ZNRF3: variants seen among roughly 807,000 people sequenced by gnomAD.
ZNRF3 encodes E3 ubiquitin-protein ligase ZNRF3.
In ZNRF3, 23 loss-of-function variants were observed where a neutral mutation model predicts 72.5. That is an observed-to-expected ratio of 0.32 (90% CI 0.23 to 0.45). The LOEUF is 0.45. Among genes scored for constraint, ZNRF3 ranks in the 20% least tolerant of loss-of-function variants. ZNRF3 has a pLI of 1.00. For synonymous variants in ZNRF3, 610 were observed against 545.3 expected (o/e 1.12, Z -1.65); for missense variants, 1,169 against 1,272.1 (o/e 0.92, Z 1.23).
At chr22:29,000,077 G>A (rs2036117155) in intron 2 of ZNRF3, among the ~76,000 whole-genome samples, 1 of 152,224 alleles carries the variant, frequency 6.6e-6, no homozygotes, top group South Asian at 2.1e-4. Flanking sequence ...TCTGAGTAAT[G>A]CTTTTTGTGC....
In ZNRF3 at chr22:28,884,083, C is replaced by A. The variant is rs1025967828; in HGVS notation, c.300+17C>A. ...ATCGTGCAGGTAGCTGCCCGCCGCC[C>A]GGGCCCCGCGCCGCCTCCGCCACAA... On this transcript the variant is annotated intron_variant, in intron 1 of 8. Coordinates refer to ENST00000544604, the MANE Select transcript of ZNRF3 (RefSeq NM_001206998.2). The A allele has an allele frequency of 1.8e-6, 2 of 1,139,610 alleles. No homozygotes were observed. The highest frequency in any genetic ancestry group is 2.2e-6 in the Non-Finnish European group (2 of 916,038). 70.6% of individuals were successfully genotyped at this position (1,139,610 alleles called of 1,614,324 possible).
chr22:28,981,836 A>C (rs1490265095), intron 1 of ZNRF3, among the ~76,000 whole-genome samples: 1 of 152,118 alleles, frequency 6.6e-6, no homozygotes, highest in Non-Finnish European at 1.5e-5. Flanking sequence ...GACTCTACTA[A>C]AAATACAAAA....
chr22:29,022,411 G>C (rs758526035), intron 2 of ZNRF3, among the ~76,000 whole-genome samples: 1 of 152,172 alleles, frequency 6.6e-6, no homozygotes, highest in Non-Finnish European at 1.5e-5. Context: ...TAAAACTGAA[G>C]TAGGACTGGA....
At chr22:29,022,813 C>G (rs188887102) in intron 2 of ZNRF3, among the ~76,000 whole-genome samples, 8 of 152,234 alleles carry the variant, frequency 5.3e-5, no homozygotes, top group Admixed American at 3.9e-4. Flanking sequence ...TATAAGCTAC[C>G]ATACACTTGC....
In ZNRF3 at chr22:29,050,197, C is replaced by G. The variant is rs751567378; in HGVS notation, c.2016C>G (p.Ser672=). ...SLEMNYSSNS[S]LEHRGPNSST... ...AGATGAACTACAGCAGCAACTCCTC[C>G]CTGGAGCACAGGGGGCCCAATAGCT... The change falls in exon 8 of 9, where the codon TCC becomes TCG. Residue 672 remains serine (S), a synonymous_variant. Coordinates refer to ENST00000544604, the MANE Select transcript of ZNRF3 (RefSeq NM_001206998.2). 6.2e-7 allele frequency: 1 copy of G among 1,601,222 alleles called. No homozygotes were observed. The highest frequency in any genetic ancestry group is 8.5e-7 in the Non-Finnish European group (1 of 1,179,858).
chr22:28,902,314 A>T (rs1055017722), intron 1 of ZNRF3, among the ~76,000 whole-genome samples: 3 of 152,082 alleles, frequency 2.0e-5, no homozygotes, highest in African/African-American at 7.2e-5. Flanking sequence ...GACTGTATTT[A>T]AGAGGAGTTG....
chr22:29,020,748 A>T (rs2036518727), intron 2 of ZNRF3, among the ~76,000 whole-genome samples: 1 of 146,108 alleles, frequency 6.8e-6, no homozygotes, highest in African/African-American at 2.6e-5. Flanking sequence ...GATTTCATTG[A>T]GAGGGGCTTT....
At chr22:28,906,155 T>C (rs1187917050) in intron 1 of ZNRF3, among the ~76,000 whole-genome samples, 2 of 152,204 alleles carry the variant, frequency 1.3e-5, no homozygotes, top group African/African-American at 4.8e-5. Context: ...TGAAACCTCA[T>C]CTTTACAAAA....
intron 2 of ZNRF3, among the ~76,000 whole-genome samples, chr22:28,998,955 A>G (rs1460641368): frequency 1.3e-5 from 2 of 152,122 alleles, no homozygotes; most frequent in East Asian, 3.9e-4. Context: ...TGATGCAACA[A>G]GGGTCACAAA....
In ZNRF3 at chr22:29,049,971, T is replaced by G; in HGVS notation, c.1790T>G (p.Phe597Cys). The stretch of plus-strand genomic sequence containing the variant: ...TCCCTCAGCAGCGACTATGACCCCT[T>G]CATCTACCGCAGCCGGAGCCCCTGT... The part of the protein sequence containing the change: ...RSSLSSDYDP[F>C]IYRSRSPCRA... The change falls in exon 8 of 9, where the codon TTC becomes TGC. Residue 597 changes from phenylalanine to cysteine, a missense_variant. By Grantham distance (205) the Phe-to-Cys change is radical (BLOSUM62 -2). Transcript: ENST00000544604. This position sits in a 1 kb window ranked among gnomAD's most constrained non-coding sequence, Gnocchi z 5.2. 14 of 1,612,252 alleles carry G rather than the reference T, an allele frequency of 8.7e-6. No individual in the cohort carries two copies. Among genetic ancestry groups the G allele is most frequent in the Non-Finnish European group, 1.2e-5 (14 of 1,179,734 alleles).
At chr22:29,028,329 T>C (rs2036682411) in intron 2 of ZNRF3, among the ~76,000 whole-genome samples, 1 of 151,942 alleles carries the variant, frequency 6.6e-6, no homozygotes, top group African/African-American at 2.4e-5. Context: ...ATGCAATGAG[T>C]GTGATAGGCA....
chr22:29,050,383 C>A lies in ZNRF3; in HGVS notation c.2202C>A (p.Phe734Leu), dbSNP rs1005980579. 6.2e-7 allele frequency: 1 copy of A among 1,604,096 alleles called. No individual in the cohort carries two copies. Among genetic ancestry groups the A allele is most frequent in the Non-Finnish European group, 8.5e-7 (1 of 1,174,524 alleles). The change falls in exon 8 of 9, where the codon TTC becomes TTA. Residue 734 changes from phenylalanine to leucine, a missense_variant. Physicochemically the swap from Phe to Leu is conservative, Grantham distance 22. Around this residue, in one of 2 missense-constraint regions of ZNRF3, gnomAD observed 783 missense variants for 731.4 expected, o/e 1.07. Transcript: ENST00000544604. ...SAGAAGSSTL[F>L]LGPHLYEGSG... ...GAGCAGCTGGCAGCAGCACCTTGTT[C>A]CTGGGGCCCCACCTCTACGAGGGCT...
chr22:28,956,126 T>G (rs2035256365), intron 1 of ZNRF3, among the ~76,000 whole-genome samples: 1 of 152,138 alleles, frequency 6.6e-6, no homozygotes, highest in Admixed American at 6.6e-5. Flanking sequence ...ATGTCTGGCC[T>G]GGCAGATGTC....
chr22:28,927,288 G>A (rs2034620314), intron 1 of ZNRF3, among the ~76,000 whole-genome samples: 1 of 152,060 alleles, frequency 6.6e-6, no homozygotes, highest in Non-Finnish European at 1.5e-5. Context: ...GGGCGTGGTG[G>A]CTCACGCCTG....
At chr22:29,018,146 T>C in intron 2 of ZNRF3, 3 of 474,696 alleles carry the variant, frequency 6.3e-6, no homozygotes, top group Non-Finnish European at 1.3e-5. Flanking sequence ...TTATAAGGAA[T>C]TGAGACTTGA....
rs1569300186 is a variant in ZNRF3, at chr22:29,053,579, G to A, written c.2768G>A (p.Gly923Glu). Residue 923 changes from glycine (G) to glutamate (E), a missense_variant and splice_region_variant, in exon 9 of 9, where the codon GGA becomes GAA. Gly to Glu is a moderately conservative substitution (Grantham distance 98). Coordinates refer to ENST00000544604, the MANE Select transcript of ZNRF3 (RefSeq NM_001206998.2). ...GATGATTGTTCTCTCTCTTTCCCAG[G>A]ACCGAGATCTCACTCAGCAGACAGC... is the stretch of plus-strand genomic sequence containing the variant. ...ESSTTATEAA[G>E]PRSHSADSSS... 1 of 1,611,488 alleles carries A rather than the reference G, an allele frequency of 6.2e-7. No individual in the cohort carries two copies. The highest frequency in any genetic ancestry group is 2.2e-5 in the East Asian group (1 of 44,760).
rs2037315227 is a variant in ZNRF3 at position 29,057,188 on chromosome 22, C to T, written c.*3566C>T. ...AAAAAATGTTTTAAAAGCTAGAAGACAACTTATGTATATTCTGTATATGTA... is the reference window on the plus strand; with the variant it reads ...AAAAAATGTTTTAAAAGCTAGAAGATAACTTATGTATATTCTGTATATGTA... On this transcript the variant is annotated 3_prime_UTR_variant, in exon 9 of 9. Transcript: ENST00000544604. The T allele has an allele frequency of 6.6e-6, 1 of 152,124 alleles. No homozygotes were observed. The highest frequency in any genetic ancestry group is 2.4e-5 in the African/African-American group (1 of 41,406). The allele number at this position is 152,124 out of a possible 1,614,324, so 9.4% of individuals were successfully genotyped here. A position where few individuals can be genotyped will look rare whatever the true frequency, so the allele number is the denominator to read the frequency against.
chr22:28,939,822 GT>G (rs1174981504), intron 1 of ZNRF3, among the ~76,000 whole-genome samples: 1 of 151,924 alleles, frequency 6.6e-6, no homozygotes, highest in African/African-American at 2.4e-5. Context: ...TTTTTGAAGA[GT>G]TTTTTTCACC....
intron 1 of ZNRF3, among the ~76,000 whole-genome samples, chr22:28,923,040 C>T (rs886206394): frequency 2.0e-5 from 3 of 152,062 alleles, no homozygotes; most frequent in African/African-American, 7.3e-5. Context: ...TGCTGTGCCC[C>T]GTGATGGCCC....
Sources: allele counts gnomAD v4.1 joint callset (sites outside exome capture counted in the v4.1 genomes callset), GRCh38; gene constraint gnomAD v4.1.1; regional missense constraint gnomAD v4.1.1; non-coding constraint Gnocchi (gnomAD v3.1); transcripts MANE v1.5; gene names NCBI Gene and HGNC (gene_info 2026-07-23, HGNC 2026-07-21).